Variants in TMEM156 observed in about 807,000 individuals in gnomAD.
TMEM156 encodes the protein transmembrane protein 156.
In TMEM156, 28 loss-of-function variants were observed where a neutral mutation model predicts 30.5. The ratio of observed to expected loss-of-function variants is 0.92; its 90% CI spans 0.68 to 1.26. The LOEUF (loss-of-function observed/expected upper bound fraction) is 1.26. Ranked by LOEUF, TMEM156 falls within the 50% of genes most tolerant of loss-of-function variation. TMEM156 has a pLI of 0.00. For missense variants in TMEM156, 351 were observed against 340.6 expected (o/e 1.03, Z -0.24); for synonymous variants, 137 against 119.9 (o/e 1.14, Z -0.93).
chr4:38,990,834 T>TTG (rs1712383701), intron 3 of TMEM156, among the ~76,000 whole-genome samples: 2 of 56,792 alleles, frequency 3.5e-5, no homozygotes, highest in Admixed American at 4.4e-4. Context: ...TTTCTGGTTT[T>TTG]TTTTTTTTTT....
rs1368842292 is a variant in TMEM156, at chr4:39,031,893, A to AC, written c.88+332_88+333insG. Among the ~76,000 whole-genome samples the AC allele has an allele frequency of 6.2e-4, 75 of 120,222 alleles. 4 individuals carry two copies. Among genetic ancestry groups the AC allele is most frequent in the African/African-American group, 1.5e-3 (53 of 35,888 alleles). The allele number at this position is 120,222 out of a possible 152,430, so 78.9% of individuals were successfully genotyped here. ...GACTCCATCTCAAAAAAAAAAAATA[A>AC]AAAATAAAAAAATAAAAAAAAACTG... On this transcript the variant is annotated intron_variant, in intron 1 of 6. Coordinates refer to ENST00000381938, the MANE Select transcript of TMEM156 (RefSeq NM_024943.3).
At chr4:39,011,397 G>A (rs1714109819) in intron 1 of TMEM156, among the ~76,000 whole-genome samples, 1 of 152,162 alleles carries the variant, frequency 6.6e-6, no homozygotes, top group African/African-American at 2.4e-5. Flanking sequence ...TTATTATTGG[G>A]AATATACCTA....
In TMEM156 at chr4:38,972,211, G is replaced by A. The variant is rs142335414; in HGVS notation, c.824-1074C>T. Among the ~76,000 whole-genome samples, 760 of 149,158 alleles carry A rather than the reference G, an allele frequency of 5.1e-3. 9 individuals carry two copies. The highest frequency in any genetic ancestry group is 0.018 in the African/African-American group (711 of 40,538). The stretch of plus-strand genomic sequence containing the variant: ...TGTCCATGAAGATGATCAAACACTG[G>A]TACAGAAATACTGTAGAACCTTCTC... On this transcript the variant is annotated intron_variant, in intron 5 of 6. Transcript: ENST00000381938.
At chr4:38,985,197 G>T (rs1468990081) in intron 5 of TMEM156, among the ~76,000 whole-genome samples, 1 of 152,124 alleles carries the variant, frequency 6.6e-6, no homozygotes, top group African/African-American at 2.4e-5. Flanking sequence ...AATTAATTTT[G>T]CCATTGAAAA....
At chr4:39,029,713 C>CA (rs1162125684) in intron 1 of TMEM156, among the ~76,000 whole-genome samples, 91 of 1,932 alleles carry the variant, frequency 0.047, 23 homozygotes, top group East Asian at 0.16. Context: ...GACTCCGTCT[C>CA]AAAAAAAAAA....
chr4:38,999,765 G>A (rs560098531), intron 1 of TMEM156, among the ~76,000 whole-genome samples: 3 of 152,246 alleles, frequency 2.0e-5, no homozygotes, highest in African/African-American at 7.2e-5. Context: ...TTGGCTTGTG[G>A]CCACATCACT....
At chr4:38,968,354 C>T (rs1476322710) in intron 6 of TMEM156, among the ~76,000 whole-genome samples, 1 of 152,184 alleles carries the variant, frequency 6.6e-6, no homozygotes, top group Admixed American at 6.5e-5. Flanking sequence ...GGCATCATGT[C>T]CTCTGAAGGA....
At chr4:38,975,103 T>C (rs942044722) in intron 5 of TMEM156, among the ~76,000 whole-genome samples, 3 of 152,154 alleles carry the variant, frequency 2.0e-5, no homozygotes, top group Admixed American at 1.3e-4. Flanking sequence ...TAGAATTTCT[T>C]CTTACCCTTT....
chr4:39,029,851 A>T lies in TMEM156; in HGVS notation c.88+2375T>A, dbSNP rs574291353. Among the ~76,000 whole-genome samples the T allele has an allele frequency of 4.6e-5, 7 of 152,120 alleles. No homozygotes were observed. In the South Asian group the frequency reaches 1.5e-3, roughly 32 times the overall value. On this transcript the variant is annotated intron_variant, in intron 1 of 6. Transcript: ENST00000381938. Reference sequence around the variant, plus strand: ...AGATGTTACTGGTGATCCATAAACCATTAGAAAAAAATAATGGTTTTTATT... The same window carrying T: ...AGATGTTACTGGTGATCCATAAACCTTTAGAAAAAAATAATGGTTTTTATT...
At chr4:39,005,851 A>G (rs138473104) in intron 1 of TMEM156, among the ~76,000 whole-genome samples, 8 of 152,304 alleles carry the variant, frequency 5.3e-5, no homozygotes, top group Admixed American at 3.3e-4. Flanking sequence ...ATATCATTAT[A>G]CAAAAATGGT....
chr4:39,020,553 A>AT (rs538799850), intron 1 of TMEM156, among the ~76,000 whole-genome samples: 2 of 151,362 alleles, frequency 1.3e-5, no homozygotes, highest in East Asian at 1.9e-4. Flanking sequence ...CTTATTTTGA[A>AT]TTTTTTTTAT....
chr4:39,009,574 G>C (rs1298611909), intron 1 of TMEM156, among the ~76,000 whole-genome samples: 8 of 152,116 alleles, frequency 5.3e-5, no homozygotes, highest in Admixed American at 2.0e-4. Flanking sequence ...TTATTCCTGG[G>C]ATGCAAGGAT....
Position 39,009,373 on chromosome 4 carries a change from A to C in TMEM156, c.89-10464T>G, listed in dbSNP as rs200479558. On this transcript the variant is annotated intron_variant, in intron 1 of 6. Coordinates refer to ENST00000381938, the MANE Select transcript of TMEM156 (RefSeq NM_024943.3). Reference sequence around the variant, plus strand: ...AATAATTCCAAAAAATTGAGGAGAAAGGATTCTTCCCTAATTTATTCTATG... The same window carrying C: ...AATAATTCCAAAAAATTGAGGAGAACGGATTCTTCCCTAATTTATTCTATG... Among the ~76,000 whole-genome samples, 18 of 152,256 alleles carry C rather than the reference A, an allele frequency of 1.2e-4. No homozygotes were observed. The East Asian group carries it at 3.5e-3, about 29-fold the overall frequency.
intron 1 of TMEM156, among the ~76,000 whole-genome samples, chr4:39,025,646 T>G (rs1472979448): frequency 2.6e-5 from 4 of 152,186 alleles, no homozygotes; most frequent in African/African-American, 4.8e-5. Flanking sequence ...ATAGCAATAT[T>G]TGAAAGGCAG....
intron 1 of TMEM156, among the ~76,000 whole-genome samples, chr4:39,027,582 G>C (rs1715278544): frequency 8.3e-6 from 1 of 119,916 alleles, no homozygotes; most frequent in African/African-American, 3.2e-5. Context: ...TTGAGACGGA[G>C]TCTTGCTCTG....
chr4:39,022,199 A>G (rs1389666989), intron 1 of TMEM156, among the ~76,000 whole-genome samples: 1 of 152,222 alleles, frequency 6.6e-6, no homozygotes, highest in Non-Finnish European at 1.5e-5. Context: ...GATTCTCAAC[A>G]TCCAAGTTAT....
chr4:38,987,744 C>T (rs1471167937), intron 4 of TMEM156, among the ~76,000 whole-genome samples: 2 of 152,180 alleles, frequency 1.3e-5, no homozygotes, highest in South Asian at 2.1e-4. Flanking sequence ...GGTGATTATG[C>T]TTGTTTTACA....
chr4:38,989,435 G>A (rs1173277289), intron 3 of TMEM156, among the ~76,000 whole-genome samples: 2 of 152,222 alleles, frequency 1.3e-5, no homozygotes, highest in Non-Finnish European at 2.9e-5. Flanking sequence ...GGACTGGTCT[G>A]AGGCATATAA....
chr4:38,999,847 C>T (rs1178108362), intron 1 of TMEM156, among the ~76,000 whole-genome samples: 1 of 152,150 alleles, frequency 6.6e-6, no homozygotes, highest in Non-Finnish European at 1.5e-5. Flanking sequence ...AAAGGCTAAT[C>T]CAGAATAATC....
Sources: allele counts gnomAD v4.1 joint callset (sites outside exome capture counted in the v4.1 genomes callset), GRCh38; gene constraint gnomAD v4.1.1; transcripts MANE v1.5; gene names NCBI Gene and HGNC (gene_info 2026-07-23, HGNC 2026-07-21).